Variants in SLCO3A1 observed in about 807,000 individuals in gnomAD.
SLCO3A1 encodes the protein PGE1 transporter.
SLCO3A1 carries 27 observed loss-of-function variants against 63.1 expected under a neutral mutation model. That is an observed-to-expected ratio of 0.43 (90% confidence interval 0.32 to 0.59). The LOEUF (loss-of-function observed/expected upper bound fraction) is 0.59, where lower values mean the gene tolerates loss of function less well. Among genes scored for constraint, SLCO3A1 ranks in the 20% least tolerant of loss-of-function variants. SLCO3A1 has a pLI of 0.09. For synonymous variants in SLCO3A1, 473 were observed against 409.9 expected (o/e 1.15, Z -1.86); for missense variants, 773 against 945.8 (o/e 0.82, Z 2.40).
intron 2 of SLCO3A1, among the ~76,000 whole-genome samples, chr15:92,070,902 T>C (rs1345472923): frequency 6.6e-6 from 1 of 152,182 alleles, no homozygotes; most frequent in Non-Finnish European, 1.5e-5. Context: ...ATGGTTAAGA[T>C]GGTAAATTTT....
intron 2 of SLCO3A1, among the ~76,000 whole-genome samples, chr15:92,062,456 G>A (rs2047098283): frequency 1.3e-5 from 2 of 152,132 alleles, no homozygotes; most frequent in South Asian, 2.1e-4. Context: ...AATTGCATCC[G>A]GAAGGCAATG....
intron 2 of SLCO3A1, among the ~76,000 whole-genome samples, chr15:92,014,195 A>C (rs1167923840): frequency 2.5e-4 from 38 of 152,120 alleles, no homozygotes; most frequent in Admixed American, 2.5e-3. Context: ...CCCAAGGAAA[A>C]GAAAATGCAG....
intron 9 of SLCO3A1, among the ~76,000 whole-genome samples, chr15:92,154,767 G>T (rs2048350801): frequency 6.6e-6 from 1 of 152,166 alleles, no homozygotes; most frequent in South Asian, 2.1e-4. Flanking sequence ...CCCTGGAGTA[G>T]AAGCAGGAGT....
At chr15:92,064,636 A>T (rs911234740) in intron 2 of SLCO3A1, among the ~76,000 whole-genome samples, 2 of 152,236 alleles carry the variant, frequency 1.3e-5, no homozygotes, top group African/African-American at 4.8e-5. Flanking sequence ...AGTACCCATC[A>T]ACGGATGAAT....
chr15:92,151,641 G>C (rs1317553686), intron 9 of SLCO3A1, among the ~76,000 whole-genome samples: 1 of 152,146 alleles, frequency 6.6e-6, no homozygotes, highest in Admixed American at 6.5e-5. Context: ...GCTGACGCTG[G>C]GCCTGGTTCC....
chr15:92,163,835 C>A lies in SLCO3A1; in HGVS notation c.*700C>A. ...CTCTCACCAGCTCCATTTCCATGTT[C>A]AAGACTGAGGGCCTGAGGGGGAGCC... On this transcript the variant is annotated 3_prime_UTR_variant, in exon 10 of 10. Transcript: ENST00000318445. 3.0e-6 allele frequency: 3 copies of A among 985,570 alleles called. No individual in the cohort carries two copies. Among genetic ancestry groups the A allele is most frequent in the Non-Finnish European group, 3.6e-6 (3 of 830,080 alleles). 61.1% of individuals were successfully genotyped at this position (985,570 alleles called of 1,614,324 possible).
downstream of SLCO3A1, among the ~76,000 whole-genome samples, chr15:92,166,723 C>T (rs2048495648): frequency 6.6e-6 from 1 of 152,228 alleles, no homozygotes; most frequent in African/African-American, 2.4e-5. Context: ...TTCTTTCACA[C>T]CTTCCAGAGG....
chr15:92,164,875 A>C lies in SLCO3A1; in HGVS notation c.*1740A>C, dbSNP rs2048480347. 1.0e-6 allele frequency: 1 copy of C among 985,262 alleles called. No individual in the cohort carries two copies. Among genetic ancestry groups the C allele is most frequent in the Admixed American group, 6.1e-5 (1 of 16,266 alleles). The allele number at this position is 985,262 out of a possible 1,614,324, so 61.0% of individuals were successfully genotyped here. On this transcript the variant is annotated 3_prime_UTR_variant, in exon 10 of 10. Transcript: ENST00000318445. Reference sequence around the variant, plus strand: ...TAGGTAAAGGCACACACTCATACACACACAACAAAGGGCCCTGCTAACTTA... The same window carrying C: ...TAGGTAAAGGCACACACTCATACACCCACAACAAAGGGCCCTGCTAACTTA...
chr15:91,872,659 G>A lies in SLCO3A1; in HGVS notation c.180+18571G>A, dbSNP rs189660300. ...ATTCCCTTCTCTTTGATCACACCACGCCTTGAAAAAATTCGCAGCTGAATG... is the reference window on the plus strand; with the variant it reads ...ATTCCCTTCTCTTTGATCACACCACACCTTGAAAAAATTCGCAGCTGAATG... On this transcript the variant is annotated intron_variant, in intron 1 of 9. Coordinates refer to ENST00000318445, the MANE Select transcript of SLCO3A1 (RefSeq NM_013272.4). The surrounding 1 kb of genome is among the most constrained non-coding windows in gnomAD (Gnocchi z 4.1). 1.1e-4 allele frequency among the ~76,000 whole-genome samples: 16 copies of A among 152,246 alleles called. No individual in the cohort carries two copies. The highest frequency in any genetic ancestry group is 3.4e-3 in the Middle Eastern group (1 of 294).
chr15:92,170,238 C>A (rs1210001260), downstream of SLCO3A1, among the ~76,000 whole-genome samples: 1 of 152,086 alleles, frequency 6.6e-6, no homozygotes, highest in Non-Finnish European at 1.5e-5. Flanking sequence ...ATAGAATTTA[C>A]AAAATGTTCT....
At chr15:91,972,012 C>T (rs1024479516) in intron 2 of SLCO3A1, among the ~76,000 whole-genome samples, 5 of 151,926 alleles carry the variant, frequency 3.3e-5, no homozygotes, top group African/African-American at 7.3e-5. Flanking sequence ...GTCATGTTGG[C>T]GCTCAAAAAA....
chr15:91,962,916 A>G (rs534212893), intron 2 of SLCO3A1, among the ~76,000 whole-genome samples: 2 of 152,080 alleles, frequency 1.3e-5, no homozygotes, highest in East Asian at 3.9e-4. Context: ...GAGCTTATAT[A>G]CTTTCTAAGC....
At chr15:92,080,080 G>T (rs1332215929) in intron 2 of SLCO3A1, among the ~76,000 whole-genome samples, 1 of 152,270 alleles carries the variant, frequency 6.6e-6, no homozygotes, top group African/African-American at 2.4e-5. Flanking sequence ...AGAAAGAAAA[G>T]ATGCCTCTTT....
intron 4 of SLCO3A1, among the ~76,000 whole-genome samples, chr15:92,110,100 C>A (rs900308813): frequency 6.6e-6 from 1 of 152,176 alleles, no homozygotes; most frequent in African/African-American, 2.4e-5. Context: ...CCTTTCCCCC[C>A]TCCAAAAGAG....
rs907938132 is a variant in SLCO3A1, at chr15:91,897,831, A to T, written c.181-18162A>T. Among the ~76,000 whole-genome samples, 2 of 152,180 alleles carry T rather than the reference A, an allele frequency of 1.3e-5. No homozygotes were observed. Among genetic ancestry groups the T allele is most frequent in the Non-Finnish European group, 2.9e-5 (2 of 68,030 alleles). ...GACCTGCTCAGGCATCCTGCAATGG[A>T]TGACATGTGAGCATGAGGATGGGTG... On this transcript the variant is annotated intron_variant, in intron 1 of 9. Transcript: ENST00000318445. The surrounding 1 kb of genome is among the most constrained non-coding windows in gnomAD (Gnocchi z 4.7).
intron 8 of SLCO3A1, among the ~76,000 whole-genome samples, chr15:92,149,971 G>A (rs755047803): frequency 7.2e-5 from 11 of 152,264 alleles, no homozygotes; most frequent in East Asian, 3.9e-4. Flanking sequence ...TAACGTGCAC[G>A]TTCTAAAGGG....
At chr15:92,167,427 C>A (rs1304264623), downstream of SLCO3A1, among the ~76,000 whole-genome samples, 2 of 152,194 alleles carry the variant, frequency 1.3e-5, no homozygotes, top group East Asian at 3.8e-4. Context: ...TTAAATTTGG[C>A]CTGGAAAATT....
chr15:92,114,622 T>A (rs1276357917), intron 4 of SLCO3A1, among the ~76,000 whole-genome samples: 1 of 152,180 alleles, frequency 6.6e-6, no homozygotes, highest in Non-Finnish European at 1.5e-5. Context: ...TTTTTATTAT[T>A]TCTTCCTCTT....
At chr15:91,858,698 C>T (rs555115174) in intron 1 of SLCO3A1, among the ~76,000 whole-genome samples, 11 of 152,328 alleles carry the variant, frequency 7.2e-5, no homozygotes, top group African/African-American at 2.2e-4. Flanking sequence ...CTGCTGGAAT[C>T]GTGTTTTCTG....
Sources: gnomAD v4.1 joint callset for allele counts (sites outside exome capture counted in the v4.1 genomes callset) on GRCh38, gnomAD v4.1.1 for gene constraint, Gnocchi (gnomAD v3.1) non-coding constraint, MANE v1.5 for transcripts, NCBI Gene and HGNC (gene_info 2026-07-23, HGNC 2026-07-21) for gene names.